The following DYNC1H1 variants were observed in gnomAD, a reference collection of about 807,000 sequenced individuals.
The protein encoded by DYNC1H1 is cytoplasmic dynein 1 heavy chain 1.
A neutral mutation model predicts 527.1 loss-of-function variants in DYNC1H1; 51 were observed. That is an observed-to-expected ratio of 0.10 (90% CI 0.08 to 0.12). DYNC1H1 has a LOEUF of 0.12. DYNC1H1 is among the 10% of genes least tolerant of loss of function. The pLI is 1.00. For synonymous variants in DYNC1H1, 2,189 were observed against 2,278.8 expected (o/e 0.96, Z 1.12); for missense variants, 2,771 against 5,971.8 (o/e 0.46, Z 17.66).
In DYNC1H1 at chr14:102,028,088, C is replaced by T; in HGVS notation, c.9415C>T (p.His3139Tyr). Residue 3139 changes from histidine (H) to tyrosine (Y), a missense_variant, in exon 48 of 78, where the codon CAT (histidine) becomes TAT (tyrosine). By Grantham distance (83) the His-to-Tyr change is moderately conservative (BLOSUM62 2). This residue lies in a region of DYNC1H1 where 67 missense variants were observed against 128.2 expected (regional missense o/e 0.52). Coordinates refer to ENST00000360184, the MANE Select transcript of DYNC1H1 (RefSeq NM_001376.5). The stretch of plus-strand genomic sequence containing the variant: ...TGATAAGCTGCCGCAGCCACCATCC[C>T]ATCGGGAAGCCATTGTGAACAGCTG... The part of the protein sequence containing the change: ...VYDKLPQPPS[H>Y]REAIVNSCVF... The T allele has an allele frequency of 6.2e-7, 1 of 1,614,166 alleles. No individual in the cohort carries two copies. Among genetic ancestry groups the T allele is most frequent in the Non-Finnish European group, 8.5e-7 (1 of 1,180,032 alleles).
intron 4 of DYNC1H1, 34 bp downstream of exon 4, chr14:101,980,008 T>A: frequency 6.2e-7 from 1 of 1,613,874 alleles, no homozygotes; most frequent in Non-Finnish European, 8.5e-7. Flanking sequence ...ATGTAAAATA[T>A]GTTACTCTTT....
intron 62 of DYNC1H1, 142 bp from the exon 63 acceptor site, chr14:102,040,094 C>T: frequency 3.4e-6 from 4 of 1,172,288 alleles, no homozygotes; most frequent in Middle Eastern, 2.8e-4. Flanking sequence ...ATCCGCCCAC[C>T]TCGGCCTCCC....
At chr14:102,030,057 A>AGTGTGTGTGTGTGTGTGT (rs3830916) in intron 50 of DYNC1H1, 105 bp from the exon 51 acceptor site, 1 of 1,520,146 alleles carries the variant, frequency 6.6e-7, no homozygotes, top group African/African-American at 1.4e-5. Flanking sequence ...AGGGAGAGAG[A>AGTGTGTGTGTGTGTGTGT]GTGTGTGTGT....
chr14:102,022,619 G>A (rs1321496214), intron 42 of DYNC1H1, 132 bp from the exon 43 acceptor site: 12 of 1,278,602 alleles, frequency 9.4e-6, no homozygotes, highest in Admixed American at 5.4e-5. Flanking sequence ...TCCATGCATA[G>A]TAAAGGAAGA....
rs554048647 is a variant in DYNC1H1 at position 101,987,640 on chromosome 14, A to G, written c.2718+8A>G. 1.3e-5 allele frequency: 21 copies of G among 1,614,118 alleles called. No homozygotes were observed. In the African/African-American group the frequency reaches 2.5e-4, roughly 19 times the overall value. Reference sequence around the variant, plus strand: ...AACAAGCTTGACATGGAGGTAAGGGATAGAATTTGCTAGCATTTTCCTCCT... The same window carrying G: ...AACAAGCTTGACATGGAGGTAAGGGGTAGAATTTGCTAGCATTTTCCTCCT... On this transcript the variant is annotated splice_region_variant and intron_variant, in intron 9 of 77. Coordinates refer to ENST00000360184, the MANE Select transcript of DYNC1H1 (RefSeq NM_001376.5).
In DYNC1H1 at chr14:102,016,125, C is replaced by A; in HGVS notation, c.7473+39C>A. On this transcript the variant is annotated intron_variant, in intron 36 of 77. Coordinates refer to ENST00000360184, the MANE Select transcript of DYNC1H1 (RefSeq NM_001376.5). The surrounding 1 kb of genome is among the most constrained non-coding windows in gnomAD (Gnocchi z 7.3). ...AGGGGCTTCACAGAGCTCACCACTG[C>A]GCCAGACCACAGGTCTGAGGACCTC... 6.4e-7 allele frequency: 1 copy of A among 1,567,646 alleles called. No homozygotes were observed. Among genetic ancestry groups the A allele is most frequent in the Non-Finnish European group, 8.6e-7 (1 of 1,156,414 alleles).
chr14:101,988,940 G>T (rs2047965512), intron 10 of DYNC1H1, 88 bp downstream of exon 10: 2 of 1,553,466 alleles, frequency 1.3e-6, no homozygotes, highest in South Asian at 1.2e-5. Context: ...GTCACTTAGT[G>T]TGGACACCTG....
rs552338800 is a variant in DYNC1H1 at position 102,012,717 on chromosome 14, A to G, written c.7014+247A>G. On this transcript the variant is annotated intron_variant, in intron 34 of 77. Transcript: ENST00000360184. The surrounding 1 kb of genome is among the most constrained non-coding windows in gnomAD (Gnocchi z 4.9). ...ATTTATTGAGTAATAAGCACACTCT[A>G]TGATTATCAGTTAACCCTGTATGGT... The G allele has an allele frequency of 7.3e-5, 40 of 551,562 alleles. 1 individual carries two copies. The highest frequency in any genetic ancestry group is 6.4e-4 in the Admixed American group (21 of 32,920). The allele number at this position is 551,562 out of a possible 1,614,324, so 34.2% of individuals were successfully genotyped here. A position where few individuals can be genotyped will look rare whatever the true frequency, so the allele number is the denominator to read the frequency against.
rs1248025894 is a variant in DYNC1H1, at chr14:101,979,164, C to T, written c.345-155C>T. On this transcript the variant is annotated intron_variant, in intron 2 of 77. Coordinates refer to ENST00000360184, the MANE Select transcript of DYNC1H1 (RefSeq NM_001376.5). The surrounding 1 kb of genome is among the most constrained non-coding windows in gnomAD (Gnocchi z 4.6). The stretch of plus-strand genomic sequence containing the variant: ...TTTGTTCACATTCTGTAACCATAAC[C>T]TTGATTCAGTAGCTCTCATGTACTA... Among the ~76,000 whole-genome samples the T allele has an allele frequency of 6.6e-6, 1 of 152,192 alleles. No homozygotes were observed. Among genetic ancestry groups the T allele is most frequent in the African/African-American group, 2.4e-5 (1 of 41,448 alleles).
chr14:102,004,712 T>G (rs2048177007), intron 24 of DYNC1H1, 29 bp downstream of exon 24: 1 of 1,614,114 alleles, frequency 6.2e-7, no homozygotes, highest in African/African-American at 1.3e-5. Flanking sequence ...CTTTTAAAAC[T>G]TCTCTCACAT....
rs1382350488 is a variant in DYNC1H1, at chr14:101,986,595, G to C, written c.2370G>C (p.Arg790=). 2 of 1,613,488 alleles carry C rather than the reference G, an allele frequency of 1.2e-6. No homozygotes were observed. Among genetic ancestry groups the C allele is most frequent in the Non-Finnish European group, 1.7e-6 (2 of 1,179,464 alleles). Residue 790 remains arginine, a synonymous_variant, in exon 8 of 78, where the codon CGG becomes CGC. Coordinates refer to ENST00000360184, the MANE Select transcript of DYNC1H1 (RefSeq NM_001376.5). The surrounding 1 kb of genome is among the most constrained non-coding windows in gnomAD (Gnocchi z 8.7). ...TCGAGAGCGTTCGTACCTATGAACG[G>C]ACCTGCGAGAAGGTGGAGGAGCGGA... The part of the protein sequence containing the change: ...SLIESVRTYE[R]TCEKVEERNT...
Position 102,044,924 on chromosome 14 carries a change from C to G in DYNC1H1, c.13006+226C>G. 1 of 593,706 alleles carries G rather than the reference C, an allele frequency of 1.7e-6. No individual in the cohort carries two copies. Among genetic ancestry groups the G allele is most frequent in the South Asian group, 2.0e-5 (1 of 51,060 alleles). 36.8% of individuals were successfully genotyped at this position (593,706 alleles called of 1,614,324 possible). ...AGAGGAAAGAACTGGCTCTTCTCTG[C>G]AGCATCAACTCAGTTCTAGAGAAAA... On this transcript the variant is annotated intron_variant, in intron 72 of 77. Coordinates refer to ENST00000360184, the MANE Select transcript of DYNC1H1 (RefSeq NM_001376.5). The surrounding 1 kb of genome is among the most constrained non-coding windows in gnomAD (Gnocchi z 7.1).
intron 11 of DYNC1H1, 148 bp from the exon 12 acceptor site, chr14:101,994,036 T>C: frequency 2.8e-6 from 3 of 1,077,862 alleles, no homozygotes; most frequent in Admixed American, 3.5e-5. Flanking sequence ...TTCTGGTTAC[T>C]TGTGGCCAGG....
chr14:101,995,349 C>T (rs555645705), intron 15 of DYNC1H1, 49 bp downstream of exon 15: 49 of 1,610,404 alleles, frequency 3.0e-5, no homozygotes, highest in Non-Finnish European at 4.2e-5. Flanking sequence ...TGGTGGCTCA[C>T]GCCTGTAATC....
At chr14:102,021,442 C>T (rs1364357556) in intron 42 of DYNC1H1, among the ~76,000 whole-genome samples, 1 of 152,130 alleles carries the variant, frequency 6.6e-6, no homozygotes, top group Non-Finnish European at 1.5e-5. Flanking sequence ...AATGTCGCAA[C>T]AGCAGTTGTG....
At chr14:101,982,697 C>T (rs979017120) in intron 5 of DYNC1H1, among the ~76,000 whole-genome samples, 2 of 97,384 alleles carry the variant, frequency 2.1e-5, no homozygotes, top group African/African-American at 4.2e-5. Context: ...GTGGAAAAAT[C>T]GTCTTCCACG....
At chr14:102,013,443 G>T (rs554136875) in intron 34 of DYNC1H1, among the ~76,000 whole-genome samples, 150 of 152,216 alleles carry the variant, frequency 9.9e-4, no homozygotes, top group African/African-American at 3.5e-3. Flanking sequence ...ACTTAGGGGA[G>T]TGAGGGAGTA....
In DYNC1H1 at chr14:102,034,606, G is replaced by T. The variant is rs1352934608; in HGVS notation, c.10754+154G>T. The T allele has an allele frequency of 4.1e-6, 5 of 1,223,356 alleles. No individual in the cohort carries two copies. In the African/African-American group the frequency reaches 7.4e-5, roughly 18 times the overall value. 75.8% of individuals were successfully genotyped at this position (1,223,356 alleles called of 1,614,324 possible). A position where few individuals can be genotyped will look rare whatever the true frequency, so the allele number is the denominator to read the frequency against. On this transcript the variant is annotated intron_variant, in intron 56 of 77. Transcript: ENST00000360184. ...TGGTGCTCCTCTGATGGTGGGGCGT[G>T]TGCTGTTCTCGTTATTGTCAAGTGT...
At position 101,995,288 on chromosome 14, in the gene DYNC1H1, G is replaced by A; in HGVS notation, c.3552G>A (p.Glu1184=). The A allele has an allele frequency of 6.2e-7, 1 of 1,614,214 alleles. No individual in the cohort carries two copies. Among genetic ancestry groups the A allele is most frequent in the Non-Finnish European group, 8.5e-7 (1 of 1,180,044 alleles). ...QSLKRKIKQF[E]KQVELYRNGQ... ...TGAAACGGAAGATCAAGCAGTTTGA[G>A]AAGCAAGTTGAGGTGAGCTCTGTGC... is the stretch of plus-strand genomic sequence containing the variant. Residue 1184 remains glutamate (E), a synonymous_variant, in exon 15 of 78, where the codon GAG becomes GAA. Transcript: ENST00000360184.
Sources: gnomAD v4.1 joint callset for allele counts (sites outside exome capture counted in the v4.1 genomes callset) on GRCh38, gnomAD v4.1.1 for gene constraint, gnomAD v4.1.1 regional missense constraint, Gnocchi (gnomAD v3.1) non-coding constraint, MANE v1.5 for transcripts, NCBI Gene and HGNC (gene_info 2026-07-23, HGNC 2026-07-21) for gene names.